DCUN1D3: variants seen among roughly 807,000 people sequenced by gnomAD.
The protein encoded by DCUN1D3 is defective in cullin neddylation 1 domain containing 3.
In DCUN1D3, 6 loss-of-function variants were observed where a neutral mutation model predicts 24.8. The ratio of observed to expected loss-of-function variants is 0.24; its 90% CI spans 0.13 to 0.48. The LOEUF (loss-of-function observed/expected upper bound fraction) is 0.48. Among genes scored for constraint, DCUN1D3 ranks in the 20% least tolerant of loss-of-function variants. The probability of loss-of-function intolerance (pLI) is 0.99; values close to 1 mark genes in which losing one functional copy is unlikely to be tolerated. For synonymous variants in DCUN1D3, 120 were observed against 144.9 expected, an observed-to-expected ratio of 0.83 and a Z score of 1.24; for missense variants, 258 against 379.4, an observed-to-expected ratio of 0.68 and a Z score of 2.66.
rs34275241 is a variant in DCUN1D3, at chr16:20,880,604, CAAAAAAA to C, written c.-105-17968_-105-17962del. On this transcript the variant is annotated intron_variant, in intron 1 of 2. Coordinates refer to ENST00000324344, the MANE Select transcript of DCUN1D3 (RefSeq NM_173475.4). The stretch of plus-strand genomic sequence containing the variant: ...AGGGTGACAGAGTAAGACCCTGTCT[CAAAAAAA>C]AAAAAAAAAAAAAAAAAACAGAAAA... 1.1e-3 allele frequency among the ~76,000 whole-genome samples: 56 copies of C among 51,944 alleles called. 1 individual carries two copies. Among genetic ancestry groups the C allele is most frequent in the African/African-American group, 2.9e-3 (31 of 10,864 alleles). The allele number at this position is 51,944 out of a possible 152,430, so 34.1% of individuals were successfully genotyped here.
chr16:20,868,760 G>A (rs184835063), intron 1 of DCUN1D3: 6 of 152,220 alleles, frequency 3.9e-5, no homozygotes, highest in Admixed American at 3.3e-4. Flanking sequence ...ACACAAATGG[G>A]TTGAATGGAG....
chr16:20,865,671 C>T (rs2081758316), intron 1 of DCUN1D3, among the ~76,000 whole-genome samples: 2 of 152,180 alleles, frequency 1.3e-5, no homozygotes, highest in Admixed American at 1.3e-4. Context: ...TCATGGACCT[C>T]TATGATCCAA....
chr16:20,893,203 T>G (rs1179404555), intron 1 of DCUN1D3, among the ~76,000 whole-genome samples: 2 of 151,734 alleles, frequency 1.3e-5, no homozygotes, highest in African/African-American at 4.8e-5. Flanking sequence ...AGACAGGGTC[T>G]CACTCTGTCA....
intron 1 of DCUN1D3, among the ~76,000 whole-genome samples, chr16:20,869,353 G>T (rs1015242935): frequency 6.6e-6 from 1 of 152,194 alleles, no homozygotes; most frequent in Non-Finnish European, 1.5e-5. Flanking sequence ...CTACTATTAC[G>T]GAAAGAAAGG....
chr16:20,894,282 T>C (rs909207939), intron 1 of DCUN1D3, among the ~76,000 whole-genome samples: 1 of 152,084 alleles, frequency 6.6e-6, no homozygotes, highest in South Asian at 2.1e-4. Context: ...TCTCAAAAAA[T>C]AAATGAATAC....
In DCUN1D3 at chr16:20,856,163, A is replaced by G. The variant is rs1263631071; in HGVS notation, c.*3723T>C. 1 of 152,194 alleles carries G rather than the reference A, an allele frequency of 6.6e-6. No individual in the cohort carries two copies. Among genetic ancestry groups the G allele is most frequent in the African/African-American group, 2.4e-5 (1 of 41,438 alleles). 9.4% of individuals were successfully genotyped at this position (152,194 alleles called of 1,614,324 possible). On this transcript the variant is annotated 3_prime_UTR_variant, in exon 3 of 3. Transcript: ENST00000324344. ...GCAAACCAAACATTCTTAAATACATAGGTTGGTGTAAAAGTAATTGTGGTT... is the reference window on the plus strand; with the variant it reads ...GCAAACCAAACATTCTTAAATACATGGGTTGGTGTAAAAGTAATTGTGGTT...
chr16:20,870,365 G>T (rs1202731631), intron 1 of DCUN1D3, among the ~76,000 whole-genome samples: 1 of 152,158 alleles, frequency 6.6e-6, no homozygotes, highest in Non-Finnish European at 1.5e-5. Context: ...AACAACGAGG[G>T]ATAGGAAACA....
chr16:20,871,013 G>A (rs1208378137), intron 1 of DCUN1D3, among the ~76,000 whole-genome samples: 3 of 152,124 alleles, frequency 2.0e-5, no homozygotes, highest in Non-Finnish European at 4.4e-5. Context: ...AGAAAAAGAC[G>A]GAATATGGCT....
rs201245960 is a variant in DCUN1D3, at chr16:20,859,805, G to C, written c.*81C>G. On this transcript the variant is annotated 3_prime_UTR_variant, in exon 3 of 3. Transcript: ENST00000324344. ...AAAGTAGAAAATATCCGGATCTTCA[G>C]TAATTTCCAAAATGGTCCAATTCCT... is the stretch of plus-strand genomic sequence containing the variant. 1.3e-6 allele frequency: 2 copies of C among 1,499,996 alleles called. No individual in the cohort carries two copies. Among genetic ancestry groups the C allele is most frequent in the Non-Finnish European group, 1.8e-6 (2 of 1,122,930 alleles). 92.9% of individuals were successfully genotyped at this position (1,499,996 alleles called of 1,614,324 possible). A position where few individuals can be genotyped will look rare whatever the true frequency, so the allele number is the denominator to read the frequency against.
intron 1 of DCUN1D3, among the ~76,000 whole-genome samples, chr16:20,898,713 CAGGACTT>C (rs1449167115): frequency 6.6e-6 from 1 of 152,220 alleles, no homozygotes; most frequent in Admixed American, 6.5e-5. Flanking sequence ...TACAGAAGGA[CAGGACTT>C]ACGGGCACTT....
intron 1 of DCUN1D3, among the ~76,000 whole-genome samples, chr16:20,891,877 C>G (rs982210928): frequency 6.6e-6 from 1 of 152,218 alleles, no homozygotes; most frequent in African/African-American, 2.4e-5. Flanking sequence ...ACGGCATTCC[C>G]TGGAGTTGGG....
intron 1 of DCUN1D3, among the ~76,000 whole-genome samples, chr16:20,869,624 G>A (rs1188791510): frequency 6.6e-6 from 1 of 152,222 alleles, no homozygotes; most frequent in Non-Finnish European, 1.5e-5. Context: ...AAATGGAAAG[G>A]AGGAGGGAGA....
At chr16:20,883,576 G>A (rs2152518210) in intron 1 of DCUN1D3, among the ~76,000 whole-genome samples, 2 of 152,290 alleles carry the variant, frequency 1.3e-5, no homozygotes, top group Middle Eastern at 6.8e-3. Flanking sequence ...GCTTAAGCTG[G>A]TTGTATCAGA....
At position 20,860,093 on chromosome 16, in the gene DCUN1D3, C is replaced by T; in HGVS notation, c.708G>A (p.Lys236=). ...TGTTCCAAGTGTCCCGGGAGATGCC[C>T]TTGATCCCCGAGGGGTTCTCTGTTA... ...NFLTENPSGI[K]GISRDTWNMF... is the part of the protein sequence containing the mutation. Residue 236 remains lysine, a synonymous_variant, in exon 3 of 3, where the codon AAG becomes AAA. Transcript: ENST00000324344. This position sits in a 1 kb window ranked among gnomAD's most constrained non-coding sequence, Gnocchi z 4.3. 6.2e-7 allele frequency: 1 copy of T among 1,614,224 alleles called. No individual in the cohort carries two copies. Among genetic ancestry groups the T allele is most frequent in the Non-Finnish European group, 8.5e-7 (1 of 1,180,030 alleles).
Position 20,862,417 on chromosome 16 carries a change from A to G in DCUN1D3, c.122T>C (p.Val41Ala), listed in dbSNP as rs754383342. The change falls in exon 2 of 3, where the codon GTA (valine) becomes GCA (alanine). Residue 41 changes from valine to alanine, a missense_variant. By Grantham distance (64) the Val-to-Ala change is moderately conservative. Coordinates refer to ENST00000324344, the MANE Select transcript of DCUN1D3 (RefSeq NM_173475.4). The stretch of plus-strand genomic sequence containing the variant: ...TCCACCTGGCTTGCCACAGGGTGGT[A>G]CCTGCTCCTCACGGTGGCCTGCACC... ...RRGAGHREEQVPPCGKPGGDI... is the reference protein window; with the variant it reads ...RRGAGHREEQAPPCGKPGGDI... 26 of 1,613,636 alleles carry G rather than the reference A, an allele frequency of 1.6e-5. No individual in the cohort carries two copies. The highest frequency in any genetic ancestry group is 7.7e-5 in the South Asian group (7 of 91,028).
chr16:20,884,203 T>A (rs970852439), intron 1 of DCUN1D3, among the ~76,000 whole-genome samples: 7 of 152,198 alleles, frequency 4.6e-5, no homozygotes, highest in African/African-American at 1.4e-4. Context: ...ATGGAGATAA[T>A]CATTTGTATG....
At chr16:20,868,326 AT>A (rs2081772349) in intron 1 of DCUN1D3, among the ~76,000 whole-genome samples, 1 of 152,168 alleles carries the variant, frequency 6.6e-6, no homozygotes. Flanking sequence ...AATTACCCCC[AT>A]TTTACAGGAA....
intron 1 of DCUN1D3, among the ~76,000 whole-genome samples, chr16:20,893,172 CTT>C (rs574352951): frequency 9.0e-5 from 13 of 144,272 alleles, no homozygotes; most frequent in Admixed American, 2.8e-4. Flanking sequence ...ATTTACTCAT[CTT>C]TTTTTTTTTT....
chr16:20,862,704 T>A, intron 1 of DCUN1D3, 61 bp from the exon 2 acceptor site: 1 of 1,408,676 alleles, frequency 7.1e-7, no homozygotes, highest in Non-Finnish European at 9.4e-7. Flanking sequence ...GGACCCTACC[T>A]TCTAGGGTGC....
Sources: gnomAD v4.1 joint callset for allele counts (sites outside exome capture counted in the v4.1 genomes callset) on GRCh38, gnomAD v4.1.1 for gene constraint, Gnocchi (gnomAD v3.1) non-coding constraint, MANE v1.5 for transcripts, NCBI Gene and HGNC (gene_info 2026-07-23, HGNC 2026-07-21) for gene names.